GRID2: variants seen among roughly 807,000 people sequenced by gnomAD.
GRID2 encodes the protein glutamate ionotropic receptor delta type subunit 2.
A neutral mutation model predicts 114.8 loss-of-function variants in GRID2; 33 were observed. The ratio of observed to expected loss-of-function variants is 0.29; its 90% CI spans 0.22 to 0.38. The LOEUF is 0.38. Among genes scored for constraint, GRID2 ranks in the 10% least tolerant of loss-of-function variants. The pLI is 1.00. For synonymous variants in GRID2, 505 were observed against 449.9 expected (o/e 1.12, Z -1.55); for missense variants, 1,184 against 1,257.7 (o/e 0.94, Z 0.89).
intron 2 of GRID2, among the ~76,000 whole-genome samples, chr4:92,618,751 ATACT>A (rs1473769931): frequency 6.6e-6 from 1 of 151,736 alleles, no homozygotes; most frequent in Non-Finnish European, 1.5e-5. Context: ...CATTGAATAA[ATACT>A]TACTATTCCG....
At chr4:93,695,416 G>A (rs1358466662) in intron 14 of GRID2, among the ~76,000 whole-genome samples, 1 of 152,112 alleles carries the variant, frequency 6.6e-6, no homozygotes, top group Non-Finnish European at 1.5e-5. Context: ...AGACTAGAAT[G>A]CCTATGTCTA....
chr4:93,360,220 T>G (rs1198524497), intron 8 of GRID2, among the ~76,000 whole-genome samples: 1 of 152,024 alleles, frequency 6.6e-6, no homozygotes, highest in East Asian at 1.9e-4. Flanking sequence ...GTTCTTGGAT[T>G]TATTTATATT....
chr4:93,729,144 C>T (rs1005989707), intron 14 of GRID2, among the ~76,000 whole-genome samples: 14 of 152,166 alleles, frequency 9.2e-5, no homozygotes, highest in African/African-American at 3.4e-4. Context: ...GATCCGCCCA[C>T]CTTGGCCTCC....
chr4:92,474,007 C>G (rs555458438), intron 1 of GRID2, among the ~76,000 whole-genome samples: 1 of 124,464 alleles, frequency 8.0e-6, no homozygotes, highest in African/African-American at 3.0e-5. Context: ...TGTGTGTGTA[C>G]GTATGCGATG....
intron 2 of GRID2, among the ~76,000 whole-genome samples, chr4:92,626,088 T>C: frequency 6.6e-6 from 1 of 151,986 alleles, no homozygotes; most frequent in East Asian, 1.9e-4. Flanking sequence ...TTTTGATGCA[T>C]TGATGAGCTT....
chr4:93,235,640 G>A (rs1746692942), intron 7 of GRID2, among the ~76,000 whole-genome samples: 1 of 152,112 alleles, frequency 6.6e-6, no homozygotes, highest in Admixed American at 6.6e-5. Context: ...CTTCATGAGG[G>A]AAGGTTTCAC....
intron 12 of GRID2, among the ~76,000 whole-genome samples, chr4:93,497,232 A>G (rs1424369098): frequency 6.6e-6 from 1 of 151,716 alleles, no homozygotes; most frequent in South Asian, 2.1e-4. Flanking sequence ...GTTGTTTACT[A>G]TTAAGAGTTC....
chr4:93,010,515 C>A (rs1722022443), intron 2 of GRID2, among the ~76,000 whole-genome samples: 1 of 151,762 alleles, frequency 6.6e-6, no homozygotes. Context: ...CTCCAGGCAT[C>A]CCATCCTCCC....
intron 2 of GRID2, among the ~76,000 whole-genome samples, chr4:92,644,677 A>T (rs1370770396): frequency 6.6e-6 from 1 of 151,778 alleles, no homozygotes; most frequent in Admixed American, 6.6e-5. Context: ...ATTGATTTTT[A>T]AAATTAAGAA....
At chr4:92,983,498 C>T (rs1578672556) in intron 2 of GRID2, among the ~76,000 whole-genome samples, 1 of 152,070 alleles carries the variant, frequency 6.6e-6, no homozygotes, top group South Asian at 2.1e-4. Flanking sequence ...TCTCATGATG[C>T]ATTTACATCA....
chr4:93,631,384 G>T (rs991046421), intron 14 of GRID2, among the ~76,000 whole-genome samples: 6 of 152,122 alleles, frequency 3.9e-5, no homozygotes, highest in Admixed American at 2.0e-4. Flanking sequence ...CCCTAGGACA[G>T]GACCTGGTGT....
chr4:93,359,219 A>G (rs528170617), intron 8 of GRID2, among the ~76,000 whole-genome samples: 91 of 152,176 alleles, frequency 6.0e-4, no homozygotes, highest in African/African-American at 1.9e-3. Context: ...CAGGGGTCCA[A>G]TAAAGTTAAA....
At chr4:93,606,017 A>G (rs1007847931) in intron 13 of GRID2, among the ~76,000 whole-genome samples, 1 of 152,176 alleles carries the variant, frequency 6.6e-6, no homozygotes, top group African/African-American at 2.4e-5. Context: ...CTGTAACCCC[A>G]GCTCTTTGGG....
intron 2 of GRID2, among the ~76,000 whole-genome samples, chr4:92,934,781 G>A (rs185818420): frequency 0.031 from 4,596 of 146,008 alleles, 376 homozygotes; most frequent in East Asian, 0.069. Flanking sequence ...AAAACAAGCA[G>A]TGGGGAAAGG....
chr4:93,799,239 T>G (rs1382677443), intron 1 of GRID2, among the ~76,000 whole-genome samples: 2 of 152,234 alleles, frequency 1.3e-5, no homozygotes, highest in Non-Finnish European at 2.9e-5. Flanking sequence ...ATTGTATTTA[T>G]TTATGTGACT....
At chr4:92,607,456 T>C (rs1729513409) in intron 2 of GRID2, among the ~76,000 whole-genome samples, 1 of 151,926 alleles carries the variant, frequency 6.6e-6, no homozygotes, top group South Asian at 2.1e-4. Context: ...ACTAGACTCA[T>C]TATTAAGTTA....
chr4:92,490,115 A>T (rs1421671631), intron 1 of GRID2, among the ~76,000 whole-genome samples: 1 of 152,174 alleles, frequency 6.6e-6, no homozygotes, highest in Non-Finnish European at 1.5e-5. Context: ...GGAACTACAA[A>T]TTCTGTTACT....
intron 13 of GRID2, among the ~76,000 whole-genome samples, chr4:93,616,495 T>C (rs1265676020): frequency 6.7e-6 from 1 of 149,102 alleles, no homozygotes; most frequent in Non-Finnish European, 1.5e-5. Flanking sequence ...TGCAGTGGTC[T>C]CAGACGAGCT....
chr4:93,101,414 C>T (rs1335513586), intron 3 of GRID2, among the ~76,000 whole-genome samples: 1 of 151,968 alleles, frequency 6.6e-6, no homozygotes, highest in African/African-American at 2.4e-5. Flanking sequence ...TTTCCATTCC[C>T]TTAACCCCTC....
Sources: allele counts gnomAD v4.1 joint callset (sites outside exome capture counted in the v4.1 genomes callset), GRCh38; gene constraint gnomAD v4.1.1; transcripts MANE v1.5; gene names NCBI Gene and HGNC (gene_info 2026-07-23, HGNC 2026-07-21).